Variants in WWOX observed in about 807,000 individuals in gnomAD.
WWOX encodes WW domain-containing oxidoreductase.
WWOX carries 69 observed loss-of-function variants against 46.2 expected under a neutral mutation model. That is an observed-to-expected ratio of 1.49 (90% confidence interval 1.23 to 1.82). The LOEUF is 1.82. WWOX is among the 40% of genes most tolerant of loss of function. The pLI is 0.00. For missense variants in WWOX, 919 were observed against 542.6 expected (o/e 1.69, Z -6.89); for synonymous variants, 359 against 202.6 (o/e 1.77, Z -6.56).
chr16:78,151,156 C>T (rs560223847), intron 4 of WWOX, among the ~76,000 whole-genome samples: 1 of 151,750 alleles, frequency 6.6e-6, no homozygotes, highest in Non-Finnish European at 1.5e-5. Flanking sequence ...GGATTACAGG[C>T]ATGAGACCCC....
In WWOX at chr16:78,644,618, C is replaced by T. The variant is rs911867346; in HGVS notation, c.1056+211866C>T. Among the ~76,000 whole-genome samples the T allele has an allele frequency of 4.3e-4, 66 of 152,188 alleles. 1 individual carries two copies. The highest frequency in any genetic ancestry group is 1.4e-3 in the Admixed American group (22 of 15,288). ...CTGGGATTACAGGAGCCTGCCACCA[C>T]GCCTGGCTAATTTTTTGTACTTTTA... On this transcript the variant is annotated intron_variant, in intron 8 of 8. Transcript: ENST00000566780.
At chr16:78,366,216 A>G (rs2081532911) in intron 5 of WWOX, among the ~76,000 whole-genome samples, 1 of 152,224 alleles carries the variant, frequency 6.6e-6, no homozygotes, top group Non-Finnish European at 1.5e-5. Flanking sequence ...AGACTTGTGG[A>G]ATGATAGAAA....
intron 8 of WWOX, among the ~76,000 whole-genome samples, chr16:78,612,062 C>T (rs1013797111): frequency 3.3e-5 from 5 of 152,164 alleles, no homozygotes; most frequent in Admixed American, 2.6e-4. Flanking sequence ...GTGCACCTGG[C>T]ATATCCTTTA....
At chr16:78,439,003 T>A (rs1402242667) in intron 8 of WWOX, among the ~76,000 whole-genome samples, 1 of 152,180 alleles carries the variant, frequency 6.6e-6, no homozygotes, top group Non-Finnish European at 1.5e-5. Flanking sequence ...GATGTTGATT[T>A]GTTCCTGAAA....
intron 8 of WWOX, among the ~76,000 whole-genome samples, chr16:78,931,998 CAT>C (rs978634241): frequency 8.5e-5 from 13 of 152,344 alleles, no homozygotes; most frequent in African/African-American, 3.1e-4. Context: ...CCATTTAAGA[CAT>C]GTGTTTGCTC....
In WWOX at chr16:78,702,960, T is replaced by A. The variant is rs1226967161; in HGVS notation, c.1056+270208T>A. Among the ~76,000 whole-genome samples, 7 of 152,294 alleles carry A rather than the reference T, an allele frequency of 4.6e-5. No homozygotes were observed. In the South Asian group the frequency reaches 1.5e-3, roughly 32 times the overall value. On this transcript the variant is annotated intron_variant, in intron 8 of 8. Coordinates refer to ENST00000566780, the MANE Select transcript of WWOX (RefSeq NM_016373.4). ...TCCTCCTTTTCCAGAACTCCCACAC[T>A]TGCTCTTGTAGATCATCATAGGATA...
intron 8 of WWOX, among the ~76,000 whole-genome samples, chr16:78,470,735 G>A (rs62034127): frequency 0.035 from 5,320 of 152,056 alleles, 196 homozygotes; most frequent in African/African-American, 0.088. Context: ...CACCATGTGG[G>A]CCAGGCTGGT....
At chr16:78,299,014 C>G (rs1057479334) in intron 5 of WWOX, among the ~76,000 whole-genome samples, 3 of 152,116 alleles carry the variant, frequency 2.0e-5, no homozygotes, top group Admixed American at 1.3e-4. Flanking sequence ...AAAGGATGAG[C>G]TGGGTTGCAG....
chr16:78,411,697 A>G (rs2082684876), intron 6 of WWOX, among the ~76,000 whole-genome samples: 1 of 152,230 alleles, frequency 6.6e-6, no homozygotes, highest in South Asian at 2.1e-4. Context: ...ACCAGTATTC[A>G]TAAAAAGTCA....
At chr16:78,347,410 A>G (rs2081112704) in intron 5 of WWOX, among the ~76,000 whole-genome samples, 1 of 116,760 alleles carries the variant, frequency 8.6e-6, no homozygotes, top group South Asian at 2.6e-4. Flanking sequence ...GGTTATTCGC[A>G]CCTCATATGT....
intron 5 of WWOX, among the ~76,000 whole-genome samples, chr16:78,327,008 CAATT>C (rs1461719705): frequency 6.6e-6 from 1 of 152,096 alleles, no homozygotes; most frequent in Admixed American, 6.5e-5. Flanking sequence ...TCAATACCAT[CAATT>C]AATAGTCATC....
rs531679152 is a variant in WWOX at position 78,181,627 on chromosome 16, C to T, written c.516+17338C>T. ...TGGTAATTTGGTTCTTTGCTATTGA[C>T]GAAATTTTCTAATTGACTGGGGTTA... On this transcript the variant is annotated intron_variant, in intron 5 of 8. Transcript: ENST00000566780. 9.2e-5 allele frequency among the ~76,000 whole-genome samples: 14 copies of T among 152,188 alleles called. No individual in the cohort carries two copies. In the South Asian group the frequency reaches 1.7e-3, roughly 18 times the overall value.
intron 8 of WWOX, among the ~76,000 whole-genome samples, chr16:79,083,817 G>A (rs979153141): frequency 3.9e-5 from 6 of 152,170 alleles, no homozygotes; most frequent in African/African-American, 1.2e-4. Context: ...CAACTTTTAT[G>A]TATTTGTATA....
intron 8 of WWOX, among the ~76,000 whole-genome samples, chr16:78,970,388 C>T (rs1319041879): frequency 6.6e-6 from 1 of 152,156 alleles, no homozygotes; most frequent in Non-Finnish European, 1.5e-5. Context: ...AACCTCATGC[C>T]CAGCATCGTC....
chr16:78,727,096 G>T (rs532181591), intron 8 of WWOX, among the ~76,000 whole-genome samples: 18 of 152,232 alleles, frequency 1.2e-4, no homozygotes, highest in Middle Eastern at 6.8e-3. Flanking sequence ...ATGCATCCAT[G>T]GAATATGAAA....
At chr16:78,916,344 A>C (rs1342623334) in intron 8 of WWOX, among the ~76,000 whole-genome samples, 1 of 152,224 alleles carries the variant, frequency 6.6e-6, no homozygotes, top group Non-Finnish European at 1.5e-5. Flanking sequence ...CCATGCTTTC[A>C]AGAAGCTCGT....
intron 8 of WWOX, among the ~76,000 whole-genome samples, chr16:78,975,201 T>G (rs2151327349): frequency 6.6e-6 from 1 of 152,340 alleles, no homozygotes; most frequent in Middle Eastern, 3.4e-3. Flanking sequence ...CCTATACGAA[T>G]TAGCCTCATC....
intron 8 of WWOX, among the ~76,000 whole-genome samples, chr16:78,914,938 G>A (rs946234132): frequency 6.6e-6 from 1 of 151,160 alleles, no homozygotes; most frequent in Non-Finnish European, 1.5e-5. Context: ...GCAGGCTGTG[G>A]TCTGGCCTGG....
chr16:78,963,083 C>G (rs2046301798), intron 8 of WWOX, among the ~76,000 whole-genome samples: 1 of 152,184 alleles, frequency 6.6e-6, no homozygotes, highest in Admixed American at 6.5e-5. Context: ...TATGCACCAC[C>G]TAGATTCTAC....
Sources: gnomAD v4.1 joint callset for allele counts (sites outside exome capture counted in the v4.1 genomes callset) on GRCh38, gnomAD v4.1.1 for gene constraint, MANE v1.5 for transcripts, NCBI Gene and HGNC (gene_info 2026-07-23, HGNC 2026-07-21) for gene names.